The following DST variants were observed in gnomAD, a reference collection of about 807,000 sequenced individuals.
DST encodes the protein bullous pemphigoid antigen.
A neutral mutation model predicts 875.2 loss-of-function variants in DST; 253 were observed. The observed-to-expected ratio is 0.29, with a 90% CI of 0.26 to 0.32. The LOEUF (loss-of-function observed/expected upper bound fraction) is 0.32, where lower values mean the gene tolerates loss of function less well. Ranked by LOEUF, DST falls within the 10% of genes least tolerant of loss-of-function variation. The pLI is 1.00. For synonymous variants in DST, 3,124 were observed against 3,197.1 expected (o/e 0.98, Z 0.77); for missense variants, 8,287 against 9,111.6 (o/e 0.91, Z 3.68).
At chr6:56,515,968 G>A (rs2096577539) in intron 71 of DST, among the ~76,000 whole-genome samples, 1 of 151,718 alleles carries the variant, frequency 6.6e-6, no homozygotes, top group Admixed American at 6.6e-5. Context: ...ATATGATTCT[G>A]GCAACATATA....
At position 56,458,225 on chromosome 6, in the gene DST, A is replaced by T. The variant is rs1257178833; in HGVS notation, c.*780T>A. On this transcript the variant is annotated 3_prime_UTR_variant, in exon 104 of 104. Transcript: ENST00000680361. The stretch of plus-strand genomic sequence containing the variant: ...TAGTTTTCCCTGGGGAAAAAAAATT[A>T]ATTCCATAGCAATGCAGTTAAGGGA... 1 of 152,644 alleles carries T rather than the reference A, an allele frequency of 6.6e-6. No homozygotes were observed. Among genetic ancestry groups the T allele is most frequent in the Non-Finnish European group, 1.5e-5 (1 of 68,042 alleles). The allele number at this position is 152,644 out of a possible 1,614,324, so 9.5% of individuals were successfully genotyped here.
chr6:56,817,478 G>A (rs984467208), intron 4 of DST, among the ~76,000 whole-genome samples: 1 of 151,998 alleles, frequency 6.6e-6, no homozygotes, highest in African/African-American at 2.4e-5. Context: ...ATACTGTGGG[G>A]AAAAAAAGTT....
At chr6:56,564,201 C>T (rs1028185027) in intron 55 of DST, among the ~76,000 whole-genome samples, 3 of 152,148 alleles carry the variant, frequency 2.0e-5, no homozygotes, top group Non-Finnish European at 2.9e-5. Flanking sequence ...ATTCTTCCTA[C>T]CCATGAGCAT....
intron 45 of DST, 53 bp from the exon 46 acceptor site, chr6:56,598,762 T>A: frequency 1.8e-6 from 2 of 1,100,416 alleles, no homozygotes; most frequent in Non-Finnish European, 2.5e-6. Context: ...CCTATTTAGT[T>A]CTTCCAGAGT....
At chr6:56,843,809 G>C in intron 4 of DST, 2 of 550,010 alleles carry the variant, frequency 3.6e-6, no homozygotes, top group Non-Finnish European at 4.6e-6. Context: ...GCCCCGGCTG[G>C]CTCAGCTCCG....
chr6:56,487,297 T>C, intron 86 of DST, 24 bp from the exon 87 acceptor site: 5 of 1,521,654 alleles, frequency 3.3e-6, no homozygotes, highest in Non-Finnish European at 4.4e-6. Context: ...AAGAAAAAAA[T>C]GCGAATTTCT....
intron 90 of DST, among the ~76,000 whole-genome samples, chr6:56,481,406 A>G (rs993449813): frequency 2.0e-5 from 3 of 152,228 alleles, no homozygotes; most frequent in African/African-American, 7.2e-5. Context: ...GGCAAGTTTC[A>G]TGCATTGCCG....
At chr6:56,872,028 T>G (rs1777433272) in intron 3 of DST, among the ~76,000 whole-genome samples, 1 of 152,212 alleles carries the variant, frequency 6.6e-6, no homozygotes, top group South Asian at 2.1e-4. Flanking sequence ...TGAACTTTCA[T>G]GTATGTCCAG....
At chr6:56,587,558 G>T (rs2098181062) in intron 49 of DST, among the ~76,000 whole-genome samples, 1 of 152,040 alleles carries the variant, frequency 6.6e-6, no homozygotes, top group South Asian at 2.1e-4. Context: ...GAAATACAGA[G>T]AATGCCACAA....
At chr6:56,510,666 C>CA (rs1445103125) in intron 73 of DST, among the ~76,000 whole-genome samples, 1 of 152,106 alleles carries the variant, frequency 6.6e-6, no homozygotes, top group Non-Finnish European at 1.5e-5. Context: ...GACACTGGCC[C>CA]ACTCTAATGT....
intron 4 of DST, among the ~76,000 whole-genome samples, chr6:56,821,019 C>T (rs1349147038): frequency 6.6e-6 from 1 of 152,154 alleles, no homozygotes; most frequent in Non-Finnish European, 1.5e-5. Context: ...TAAAATAACA[C>T]GGCTAATCTG....
rs191139440 is a variant in DST, at chr6:56,563,155, T to C, written c.14006-955A>G. ...TTTCTGGTTCTAGATCCTTGAGGAA[T>C]TGCCACACTGTCTTCCACAATGGTT... On this transcript the variant is annotated intron_variant, in intron 55 of 103. Coordinates refer to ENST00000680361, the MANE Select transcript of DST (RefSeq NM_001374736.1). Among the ~76,000 whole-genome samples the C allele has an allele frequency of 4.5e-4, 68 of 152,312 alleles. No homozygotes were observed. In the East Asian group the frequency reaches 0.013, roughly 29 times the overall value.
intron 67 of DST, among the ~76,000 whole-genome samples, chr6:56,527,987 G>C (rs1033354928): frequency 1.3e-5 from 2 of 152,192 alleles, no homozygotes; most frequent in African/African-American, 4.8e-5. Context: ...GTGGAAAGCA[G>C]TACTTTTGTA....
chr6:56,821,815 C>A (rs1369449183), intron 4 of DST, among the ~76,000 whole-genome samples: 1 of 152,028 alleles, frequency 6.6e-6, no homozygotes, highest in Non-Finnish European at 1.5e-5. Flanking sequence ...CAGCTATGAC[C>A]CAACTTTAAT....
intron 35 of DST, 140 bp from the exon 36 acceptor site, chr6:56,624,768 G>T: frequency 1.5e-6 from 1 of 683,322 alleles, no homozygotes; most frequent in Non-Finnish European, 2.6e-6. Context: ...TGATAAGAAT[G>T]AGCTTATTAT....
At position 56,477,505 on chromosome 6, in the gene DST, G is replaced by T; in HGVS notation, c.21532-17C>A. 6.2e-7 allele frequency: 1 copy of T among 1,613,746 alleles called. No individual in the cohort carries two copies. Among genetic ancestry groups the T allele is most frequent in the Non-Finnish European group, 8.5e-7 (1 of 1,179,742 alleles). ...CATGAATTCCTACAGCAGAAACAAA[G>T]ACTTCAATTAACTGTTGGCATTGGC... On this transcript the variant is annotated splice_polypyrimidine_tract_variant and intron_variant, in intron 90 of 103. Coordinates refer to ENST00000680361, the MANE Select transcript of DST (RefSeq NM_001374736.1).
intron 4 of DST, among the ~76,000 whole-genome samples, chr6:56,798,049 C>T (rs1011211011): frequency 6.6e-6 from 1 of 152,144 alleles, no homozygotes; most frequent in African/African-American, 2.4e-5. Context: ...AGGAAAGAAA[C>T]CATCTCCATA....
In DST at chr6:56,646,100, T is replaced by C; in HGVS notation, c.1637A>G (p.Tyr546Cys). The C allele has an allele frequency of 1.3e-6, 2 of 1,546,396 alleles. No homozygotes were observed. The highest frequency in any genetic ancestry group is 8.8e-7 in the Non-Finnish European group (1 of 1,138,644). The change falls in exon 14 of 104, where the codon TAT becomes TGT. Residue 546 changes from tyrosine (Y) to cysteine (C), a missense_variant. Tyr to Cys is a radical substitution (Grantham distance 194). Around this residue, in one of 10 missense-constraint regions of DST, gnomAD observed 1,160 missense variants for 1,424.3 expected, o/e 0.81. Coordinates refer to ENST00000680361, the MANE Select transcript of DST (RefSeq NM_001374736.1). ...ATTTGAGCTTACCTCTAATAATTTA[T>C]ATAGACGTTTAATTTTTGATTTTTC... Reference protein sequence around the residue: ...ETEKSKIKRLYKLLEIWIEFG... With the variant: ...ETEKSKIKRLCKLLEIWIEFG...
intron 4 of DST, among the ~76,000 whole-genome samples, chr6:56,829,556 T>C (rs1170192213): frequency 6.6e-6 from 1 of 152,164 alleles, no homozygotes; most frequent in African/African-American, 2.4e-5. Context: ...GAATCAATAG[T>C]AGTTTCTACA....
Sources: gnomAD v4.1 joint callset for allele counts (sites outside exome capture counted in the v4.1 genomes callset) on GRCh38, gnomAD v4.1.1 for gene constraint, gnomAD v4.1.1 regional missense constraint, MANE v1.5 for transcripts, NCBI Gene and HGNC (gene_info 2026-07-23, HGNC 2026-07-21) for gene names.